HDAC4: variants seen among roughly 807,000 people sequenced by gnomAD.
HDAC4 encodes the protein histone deacetylase 4.
HDAC4 carries 16 observed loss-of-function variants against 135.1 expected under a neutral mutation model. That is an observed-to-expected ratio of 0.12 (90% CI 0.08 to 0.18). The LOEUF (loss-of-function observed/expected upper bound fraction) is 0.18, where lower values mean the gene tolerates loss of function less well. Ranked by LOEUF, HDAC4 falls within the 10% of genes least tolerant of loss-of-function variation. The pLI, the probability that HDAC4 is intolerant of heterozygous loss-of-function variation, is 1.00. For synonymous variants in HDAC4, 685 were observed against 653.4 expected (o/e 1.05, Z -0.74); for missense variants, 1,143 against 1,511.8 (o/e 0.76, Z 4.05).
At chr2:239,098,531 T>C (rs998582359) in intron 16 of HDAC4, among the ~76,000 whole-genome samples, 6 of 152,200 alleles carry the variant, frequency 3.9e-5, no homozygotes, top group Admixed American at 2.0e-4. Context: ...CCCTGCCAGC[T>C]GACATGAGCA....
intron 1 of HDAC4, among the ~76,000 whole-genome samples, chr2:239,384,453 A>C (rs1474944242): frequency 1.0e-4 from 4 of 38,496 alleles, no homozygotes; most frequent in African/African-American, 2.2e-4. Context: ...TGTCTCTACA[A>C]AAAAAAAAAA....
At chr2:239,116,976 G>A (rs2039193109) in intron 12 of HDAC4, among the ~76,000 whole-genome samples, 1 of 152,220 alleles carries the variant, frequency 6.6e-6, no homozygotes, top group East Asian at 1.9e-4. Flanking sequence ...TGCCATTCAT[G>A]TATCCATCTT....
intron 2 of HDAC4, among the ~76,000 whole-genome samples, chr2:239,341,139 A>G (rs1357724880): frequency 6.6e-6 from 1 of 152,238 alleles, no homozygotes; most frequent in Non-Finnish European, 1.5e-5. Flanking sequence ...CAAATGTTCT[A>G]GAACTCTTTT....
intron 9 of HDAC4, among the ~76,000 whole-genome samples, chr2:239,135,193 A>G (rs2040865471): frequency 1.3e-5 from 2 of 152,372 alleles, no homozygotes; most frequent in South Asian, 2.1e-4. Context: ...TACAAATTGC[A>G]TGCCTGTATC....
rs899272637 is a variant in HDAC4 at position 239,308,241 on chromosome 2, C to T, written c.22+44437G>A. The stretch of plus-strand genomic sequence containing the variant: ...CTTAGGGACAAGAGAGCTAGAGACC[C>T]GGGGGGGAGTCCACTGCCTTGGGGA... On this transcript the variant is annotated intron_variant, in intron 2 of 26. Coordinates refer to ENST00000543185, the MANE Select transcript of HDAC4 (RefSeq NM_001378414.1). The surrounding 1 kb of genome is among the most constrained non-coding windows in gnomAD (Gnocchi z 4.2). 6.6e-6 allele frequency among the ~76,000 whole-genome samples: 1 copy of T among 152,026 alleles called. No individual in the cohort carries two copies. Among genetic ancestry groups the T allele is most frequent in the African/African-American group, 2.4e-5 (1 of 41,390 alleles).
intron 7 of HDAC4, among the ~76,000 whole-genome samples, chr2:239,153,400 C>T (rs893292804): frequency 6.6e-6 from 1 of 152,182 alleles, no homozygotes; most frequent in African/African-American, 2.4e-5. Flanking sequence ...TCAGTTCATT[C>T]AAGGAACTTC....
At position 239,112,235 on chromosome 2, in the gene HDAC4, A is replaced by G. The variant is rs148654620; in HGVS notation, c.1792-523T>C. Among the ~76,000 whole-genome samples the G allele has an allele frequency of 8.5e-3, 1,301 of 152,292 alleles. 14 individuals carry two copies. The highest frequency in any genetic ancestry group is 0.03 in the African/African-American group (1,244 of 41,566). ...TGGGGACCACAGCGTCCACTCTGCC[A>G]TACCACACACATACGGTGAGTGGGC... is the stretch of plus-strand genomic sequence containing the variant. On this transcript the variant is annotated intron_variant, in intron 13 of 26. Transcript: ENST00000543185.
At chr2:239,181,569 G>A (rs987157084) in intron 4 of HDAC4, among the ~76,000 whole-genome samples, 1 of 152,264 alleles carries the variant, frequency 6.6e-6, no homozygotes, top group Non-Finnish European at 1.5e-5. Context: ...TGGGGATGGT[G>A]GGATAAACAT....
intron 2 of HDAC4, among the ~76,000 whole-genome samples, chr2:239,287,176 G>A (rs571394129): frequency 6.6e-6 from 1 of 152,324 alleles, no homozygotes; most frequent in East Asian, 1.9e-4. Flanking sequence ...AGCCGTGCCT[G>A]GATTTCCTGT....
In HDAC4 at chr2:239,167,813, C is replaced by T. The variant is rs548028243; in HGVS notation, c.491-3890G>A. On this transcript the variant is annotated intron_variant, in intron 5 of 26. Coordinates refer to ENST00000543185, the MANE Select transcript of HDAC4 (RefSeq NM_001378414.1). This position sits in a 1 kb window ranked among gnomAD's most constrained non-coding sequence, Gnocchi z 4.1. ...ACAGAGGCTCTATGAGATGCCAGCC[C>T]GTTCTGGCCAGCAGAGATGAAGCGG... Among the ~76,000 whole-genome samples the T allele has an allele frequency of 3.9e-5, 6 of 152,100 alleles. No homozygotes were observed. The highest frequency in any genetic ancestry group is 1.9e-4 in the East Asian group (1 of 5,168).
chr2:239,197,998 G>A (rs2045515849), intron 3 of HDAC4, among the ~76,000 whole-genome samples: 1 of 151,890 alleles, frequency 6.6e-6, no homozygotes, highest in African/African-American at 2.4e-5. Flanking sequence ...GATTACAGGT[G>A]TGCACCACCA....
chr2:239,326,464 T>C (rs1380363125), intron 2 of HDAC4, among the ~76,000 whole-genome samples: 1 of 152,164 alleles, frequency 6.6e-6, no homozygotes, highest in East Asian at 1.9e-4. Context: ...AATGGGAAAA[T>C]ATTTACTGCC....
At chr2:239,237,718 G>C (rs1021399895) in intron 2 of HDAC4, among the ~76,000 whole-genome samples, 1 of 152,120 alleles carries the variant, frequency 6.6e-6, no homozygotes, top group Non-Finnish European at 1.5e-5. Flanking sequence ...CTTGAAGTTA[G>C]AACTGGGAAA....
At position 239,108,128 on chromosome 2, in the gene HDAC4, G is replaced by A. The variant is rs2152785241; in HGVS notation, c.2034C>T (p.Ser678=). The change falls in exon 15 of 27, where the codon AGC becomes AGT. Residue 678 remains serine (S), a synonymous_variant. Transcript: ENST00000543185. Reference sequence around the variant, plus strand: ...TCCTCCCGGCGTGCTCGGGGTGGCTGCTGCTACTCCCGCAGGTGCACTGGT... The same window carrying A: ...TCCTCCCGGCGTGCTCGGGGTGGCTACTGCTACTCCCGCAGGTGCACTGGT... The part of the protein sequence containing the change: ...LKHQCTCGSS[S]SHPEHAGRIQ... The A allele has an allele frequency of 6.2e-7, 1 of 1,608,458 alleles. No individual in the cohort carries two copies. Among genetic ancestry groups the A allele is most frequent in the Non-Finnish European group, 8.5e-7 (1 of 1,178,712 alleles).
intron 1 of HDAC4, among the ~76,000 whole-genome samples, chr2:239,377,751 A>G (rs1176301924): frequency 1.3e-5 from 2 of 152,020 alleles, no homozygotes; most frequent in Non-Finnish European, 2.9e-5. Context: ...GACCCCCAGG[A>G]CCCTAGAGCA....
At chr2:239,355,884 T>G (rs946202331) in intron 1 of HDAC4, among the ~76,000 whole-genome samples, 1 of 152,244 alleles carries the variant, frequency 6.6e-6, no homozygotes. Context: ...AAATGTCCAG[T>G]GTCTAGCAAG....
rs576160157 is a variant in HDAC4, at chr2:239,380,114, A to T, written c.-220+20864T>A. 2.6e-5 allele frequency among the ~76,000 whole-genome samples: 4 copies of T among 152,350 alleles called. No individual in the cohort carries two copies. In the South Asian group the frequency reaches 8.3e-4, roughly 32 times the overall value. ...GCGTGGGCCCATGGGTGCCAGAGCC[A>T]AGAGGGCCCTCATGAGGCTCGATTC... On this transcript the variant is annotated intron_variant, in intron 1 of 26. Transcript: ENST00000543185.
At chr2:239,111,934 C>T (rs1559449928) in intron 13 of HDAC4, among the ~76,000 whole-genome samples, 1 of 152,200 alleles carries the variant, frequency 6.6e-6, no homozygotes, top group Non-Finnish European at 1.5e-5. Flanking sequence ...GGCTCTGCCT[C>T]CCAGGACGGT....
At chr2:239,069,593 G>A (rs6761010) in intron 22 of HDAC4, among the ~76,000 whole-genome samples, 57 of 69,290 alleles carry the variant, frequency 8.2e-4, no homozygotes, top group Non-Finnish European at 1.2e-3. Flanking sequence ...GCACTTGCTT[G>A]GTGAGAGTGA....
Sources: gnomAD v4.1 joint callset for allele counts (sites outside exome capture counted in the v4.1 genomes callset) on GRCh38, gnomAD v4.1.1 for gene constraint, Gnocchi (gnomAD v3.1) non-coding constraint, MANE v1.5 for transcripts, NCBI Gene and HGNC (gene_info 2026-07-23, HGNC 2026-07-21) for gene names.